Variants in C5 observed in about 807,000 individuals in gnomAD.
The protein encoded by C5 is C3 and PZP-like alpha-2-macroglobulin domain-containing protein 4.
In C5, 140 loss-of-function variants were observed where a neutral mutation model predicts 218.8. The observed-to-expected ratio is 0.64, with a 90% CI of 0.56 to 0.74. C5 has a LOEUF of 0.74. C5 is among the 30% of genes least tolerant of loss of function. The pLI is 0.00. For synonymous variants in C5, 614 were observed against 682.3 expected (o/e 0.90, Z 1.56); for missense variants, 1,700 against 1,969.6 (o/e 0.86, Z 2.59).
At chr9:120,980,011 C>T in intron 28 of C5, 72 bp downstream of exon 28, 1 of 1,387,218 alleles carries the variant, frequency 7.2e-7, no homozygotes, top group Non-Finnish European at 1.0e-6. Context: ...CATGTCACCA[C>T]CCACTTCCCA....
intron 22 of C5, among the ~76,000 whole-genome samples, chr9:120,993,626 T>G (rs920731819): frequency 8.6e-5 from 13 of 151,856 alleles, no homozygotes; most frequent in African/African-American, 3.1e-4. Context: ...GTTTCACCGT[T>G]TTAGCCAGGA....
chr9:120,966,418 A>G (rs1382699863), intron 33 of C5, among the ~76,000 whole-genome samples: 1 of 152,174 alleles, frequency 6.6e-6, no homozygotes, highest in Non-Finnish European at 1.5e-5. Context: ...GCTTTATAGA[A>G]GAGGATTGGA....
In C5 at chr9:120,976,839, G is replaced by C. The variant is rs2046957166; in HGVS notation, c.3725C>G (p.Thr1242Ser). 5.0e-6 allele frequency: 8 copies of C among 1,614,002 alleles called. No individual in the cohort carries two copies. Among genetic ancestry groups the C allele is most frequent in the Non-Finnish European group, 6.8e-6 (8 of 1,179,848 alleles). The change falls in exon 29 of 41, where the codon ACT (threonine) becomes AGT (serine). Residue 1242 changes from threonine (T) to serine (S), a missense_variant. Thr to Ser is a moderately conservative substitution (Grantham distance 58). Transcript: ENST00000223642. ...LQHKDSSVPN[T>S]GTARMVETTA... is the part of the protein sequence containing the mutation. ...TGTTTCTACCATACGTGCCGTACCA[G>C]TGTTAGGTACAGAGCTGTCTTTATG...
intron 25 of C5, among the ~76,000 whole-genome samples, chr9:120,988,000 C>G (rs1210944559): frequency 6.6e-6 from 1 of 152,118 alleles, no homozygotes; most frequent in African/African-American, 2.4e-5. Flanking sequence ...ACCATGTTGG[C>G]CAGGATGGTC....
the C5 span, among the ~76,000 whole-genome samples, chr9:121,071,301 C>T: frequency 2.0e-5 from 3 of 151,858 alleles, no homozygotes; most frequent in African/African-American, 7.3e-5. Context: ...GCCTGGGCAA[C>T]AGAGTGAGAC....
chr9:121,063,051 A>T, the C5 span, among the ~76,000 whole-genome samples: 1 of 151,652 alleles, frequency 6.6e-6, no homozygotes, highest in Non-Finnish European at 1.5e-5. Context: ...AGTTCTTCAA[A>T]TATTTTTTTC....
At chr9:121,018,531 G>A (rs1348725793) in intron 12 of C5, among the ~76,000 whole-genome samples, 2 of 149,364 alleles carry the variant, frequency 1.3e-5, no homozygotes, top group Non-Finnish European at 3.0e-5. Context: ...TCGAAATCAT[G>A]CCACTGCACT....
At chr9:121,036,036 C>A (rs1265262318) in intron 4 of C5, among the ~76,000 whole-genome samples, 1 of 151,934 alleles carries the variant, frequency 6.6e-6, no homozygotes, top group East Asian at 2.0e-4. Flanking sequence ...GGTGACAGAG[C>A]AAGACCCTGT....
chr9:120,991,233 A>T lies in C5; in HGVS notation c.2899T>A (p.Leu967Met). The T allele has an allele frequency of 6.2e-7, 1 of 1,611,378 alleles. No individual in the cohort carries two copies. Among genetic ancestry groups the T allele is most frequent in the Non-Finnish European group, 8.5e-7 (1 of 1,177,468 alleles). The change falls in exon 23 of 41, where the codon TTG becomes ATG. Residue 967 changes from leucine to methionine, a missense_variant. By Grantham distance (15) the Leu-to-Met change is conservative. Transcript: ENST00000223642. The stretch of plus-strand genomic sequence containing the variant: ...CTTTTGATTTCTGTTTTGGGGACCA[A>T]ATCTAAGGGTATCCTGTATGGGAAC... ...KEFPYRIPLD[L>M]VPKTEIKRIL...
At chr9:121,039,904 TG>T (rs539403359) in intron 3 of C5, among the ~76,000 whole-genome samples, 268 of 152,306 alleles carry the variant, frequency 1.8e-3, no homozygotes, top group African/African-American at 6.2e-3. Flanking sequence ...CCCAAAGTGC[TG>T]GGATTACAGG....
chr9:121,010,519 T>G (rs368655903), intron 17 of C5, among the ~76,000 whole-genome samples: 2 of 152,334 alleles, frequency 1.3e-5, no homozygotes, highest in African/African-American at 4.8e-5. Flanking sequence ...TATTCCATAT[T>G]CATGGATTGG....
the C5 span, among the ~76,000 whole-genome samples, chr9:121,064,648 T>G: frequency 6.6e-6 from 1 of 152,228 alleles, no homozygotes; most frequent in Non-Finnish European, 1.5e-5. Flanking sequence ...AAATTTAAAT[T>G]CAAAAGCATT....
intron 3 of C5, among the ~76,000 whole-genome samples, chr9:121,039,660 T>C (rs1333115528): frequency 6.6e-6 from 1 of 151,904 alleles, no homozygotes; most frequent in Non-Finnish European, 1.5e-5. Flanking sequence ...ATAAAAGATG[T>C]GGTTTATTAA....
chr9:120,957,247 T>C lies in C5; in HGVS notation c.4762+38A>G, dbSNP rs372990154. ...TGGCACATAGTCAGTACTAAATAGT[T>C]GCTGAATGAAGGAACGAATGAACGA... On this transcript the variant is annotated intron_variant, in intron 39 of 40. Coordinates refer to ENST00000223642, the MANE Select transcript of C5 (RefSeq NM_001735.3). The C allele has an allele frequency of 3.0e-5, 41 of 1,363,494 alleles. No homozygotes were observed. The African/African-American group carries it at 5.7e-4, about 19-fold the overall frequency. The allele number at this position is 1,363,494 out of a possible 1,614,324, so 84.5% of individuals were successfully genotyped here.
chr9:120,977,888 C>T (rs2046964874), intron 28 of C5, among the ~76,000 whole-genome samples: 1 of 152,114 alleles, frequency 6.6e-6, no homozygotes, highest in Non-Finnish European at 1.5e-5. Context: ...GACTCAATTT[C>T]CTAATACCTA....
Position 121,046,643 on chromosome 9 carries a change from G to GCTA in C5, c.66-263_66-261dup, listed in dbSNP as rs1388325802. On this transcript the variant is annotated intron_variant, in intron 1 of 40. Transcript: ENST00000223642. The stretch of plus-strand genomic sequence containing the variant: ...AAGGTGATAGCAGCACTTTCTCTTA[G>GCTA]CTACTGCAGCCAAGGAAGACTTTTA... 1.3e-4 allele frequency among the ~76,000 whole-genome samples: 20 copies of GCTA among 152,264 alleles called. No homozygotes were observed. In the East Asian group the frequency reaches 3.3e-3, roughly 25 times the overall value.
intron 26 of C5, 107 bp from the exon 27 acceptor site, chr9:120,982,046 C>G (rs1190441705): frequency 9.0e-6 from 7 of 778,112 alleles, no homozygotes; most frequent in South Asian, 8.6e-5. Flanking sequence ...GAGTCTCACT[C>G]TGTCACCCAA....
chr9:121,034,305 T>A (rs2047504170), intron 5 of C5, among the ~76,000 whole-genome samples: 1 of 152,234 alleles, frequency 6.6e-6, no homozygotes, highest in Admixed American at 6.5e-5. Flanking sequence ...ACCAAGAATG[T>A]GTTCATTGAA....
chr9:121,000,631 C>CA (rs1231535500), intron 20 of C5, among the ~76,000 whole-genome samples: 1 of 152,094 alleles, frequency 6.6e-6, no homozygotes. Context: ...TAAATGCTCA[C>CA]AAAAAACTAT....
Sources: allele counts gnomAD v4.1 joint callset (sites outside exome capture counted in the v4.1 genomes callset), GRCh38; gene constraint gnomAD v4.1.1; transcripts MANE v1.5; gene names NCBI Gene and HGNC (gene_info 2026-07-23, HGNC 2026-07-21).